CCDC120: variants seen among roughly 807,000 people sequenced by gnomAD.
The protein encoded by CCDC120 is coiled-coil domain containing 120, also known as coiled-coil domain-containing protein 120.
In CCDC120, 16 loss-of-function variants were observed where a neutral mutation model predicts 37.6. That is an observed-to-expected ratio of 0.43 (90% CI 0.29 to 0.65). The LOEUF is 0.65. Ranked by LOEUF, CCDC120 falls within the 30% of genes least tolerant of loss-of-function variation. The pLI is 0.18. For missense variants in CCDC120, 650 were observed against 657.4 expected (o/e 0.99, Z 0.12); for synonymous variants, 309 against 275.4 (o/e 1.12, Z -1.21).
At position 49,067,161 on chromosome X, in the gene CCDC120, C is replaced by T. The variant is rs1185875145; in HGVS notation, c.1062-15C>T. 5.0e-6 allele frequency: 6 copies of T among 1,198,519 alleles called. No homozygotes were observed. The highest frequency in any genetic ancestry group is 1.8e-5 in the South Asian group (1 of 56,262). Reference sequence around the variant, plus strand: ...TTTCTGACCCTATTCCCATGACCCTCGCCTCTCACCCCAGACCTGAAGGCC... The same window carrying T: ...TTTCTGACCCTATTCCCATGACCCTTGCCTCTCACCCCAGACCTGAAGGCC... On this transcript the variant is annotated splice_polypyrimidine_tract_variant and intron_variant, in intron 9 of 10. Coordinates refer to ENST00000603986, the MANE Select transcript of CCDC120 (RefSeq NM_001163321.4).
In CCDC120 at chrX:49,067,328, C is replaced by T. The variant is rs782428766; in HGVS notation, c.1214C>T (p.Ala405Val). ...SSEALLVDRA[A>V]GGGAGSPPAP... ...GAGGCCCTGCTGGTGGACCGGGCCGCTGGTGGGGGAGCTGGCTCCCCGCCT... is the reference window on the plus strand; with the variant it reads ...GAGGCCCTGCTGGTGGACCGGGCCGTTGGTGGGGGAGCTGGCTCCCCGCCT... The change falls in exon 10 of 11, where the codon GCT (alanine) becomes GTT (valine). Residue 405 changes from alanine to valine, a missense_variant. By Grantham distance (64) the Ala-to-Val change is moderately conservative. Coordinates refer to ENST00000603986, the MANE Select transcript of CCDC120 (RefSeq NM_001163321.4). The T allele has an allele frequency of 1.0e-5, 12 of 1,205,931 alleles. No homozygotes were observed. In the South Asian group the frequency reaches 2.1e-4, roughly 21 times the overall value.
chrX:49,062,129 C>T (rs1437669072), intron 2 of CCDC120, 25 bp downstream of exon 2: 4 of 1,161,180 alleles, frequency 3.4e-6, no homozygotes, highest in Non-Finnish European at 4.6e-6. Flanking sequence ...CACGTGGGGC[C>T]CAGGTTACCC....
At chrX:49,066,977 G>A in intron 9 of CCDC120, 199 bp from the exon 10 acceptor site, 1 of 425,091 alleles carries the variant, frequency 2.4e-6, no homozygotes. Flanking sequence ...TTCTACCCCT[G>A]ACCGCCTAGC....
rs1280386899 is a variant in CCDC120 at position 49,065,030 on chromosome X, C to A, written c.725-6C>A. ...AGAGGCCCACTTCTCCCCCTCTCAC[C>A]TGTAGAGGACGTAGTTCTGCACTCA... On this transcript the variant is annotated splice_region_variant and splice_polypyrimidine_tract_variant and intron_variant, in intron 6 of 10. Transcript: ENST00000603986. 8.3e-7 allele frequency: 1 copy of A among 1,210,266 alleles called. No individual in the cohort carries two copies. The highest frequency in any genetic ancestry group is 1.7e-5 in the African/African-American group (1 of 57,704).
chrX:49,057,824 G>C (rs1205494659), upstream of CCDC120, among the ~76,000 whole-genome samples: 1 of 111,646 alleles, frequency 9.0e-6, no homozygotes, highest in East Asian at 2.8e-4. Flanking sequence ...TGTGTGCCGG[G>C]ACTGGCCCAG....
At chrX:49,060,931 C>T (rs1289064341) in intron 1 of CCDC120, among the ~76,000 whole-genome samples, 2 of 111,564 alleles carry the variant, frequency 1.8e-5, no homozygotes, top group Non-Finnish European at 1.9e-5. Context: ...GACAAGCTGC[C>T]GACTTCAAGG....
Position 49,067,942 on chromosome X carries a change from C to T in CCDC120, c.1828C>T (p.Arg610Cys), listed in dbSNP as rs373776682. Reference protein sequence around the residue: ...RNSGLAAGPQRRPVLPSVGPP... With the variant: ...RNSGLAAGPQCRPVLPSVGPP... ...CTCGGGACTGGCTGCGGGGCCCCAG[C>T]GCCGGCCTGTGCTCCCTTCCGTGGG... Residue 610 changes from arginine (R) to cysteine (C), a missense_variant, in exon 10 of 11, where the codon CGC becomes TGC. This residue lies in a region of CCDC120 where 576 missense variants were observed against 565.3 expected (regional missense o/e 1.02). Coordinates refer to ENST00000603986, the MANE Select transcript of CCDC120 (RefSeq NM_001163321.4). 33 of 1,143,246 alleles carry T rather than the reference C, an allele frequency of 2.9e-5. No homozygotes were observed. The highest frequency in any genetic ancestry group is 4.1e-5 in the South Asian group (2 of 49,368). 94.2% of individuals were successfully genotyped at this position (1,143,246 alleles called of 1,213,427 possible).
In CCDC120 at chrX:49,060,427, C is replaced by CAAAAAAAAAAAAAAAAAAAAA. The variant is rs58827125; in HGVS notation, c.-84+1340_-84+1360dup. Among the ~76,000 whole-genome samples the CAAAAAAAAAAAAAAAAAAAAA allele has an allele frequency of 1.7e-4, 7 of 42,128 alleles. 1 individual carries two copies. The highest frequency in any genetic ancestry group is 2.4e-4 in the African/African-American group (2 of 8,324). 36.6% of individuals were successfully genotyped at this position (42,128 alleles called of 115,157 possible). ...AAGTGACAGAGCCAGGCCCTATCTC[C>CAAAAAAAAAAAAAAAAAAAAA]AAAAAAAAAAAAAAAAAAAAAAAAA... On this transcript the variant is annotated intron_variant, in intron 1 of 10. Transcript: ENST00000603986.
chrX:49,068,661 C>G lies in CCDC120; in HGVS notation c.*3C>G. The G allele has an allele frequency of 9.0e-7, 1 of 1,116,273 alleles. No individual in the cohort carries two copies. Among genetic ancestry groups the G allele is most frequent in the Non-Finnish European group, 1.2e-6 (1 of 848,428 alleles). 92.0% of individuals were successfully genotyped at this position (1,116,273 alleles called of 1,213,427 possible). On this transcript the variant is annotated 3_prime_UTR_variant, in exon 11 of 11. Transcript: ENST00000603986. ...AGACCCCGGGGACACTGGTCTGACC[C>G]CTTCTGATATGTCCCTTGTTGGCCT... is the stretch of plus-strand genomic sequence containing the variant.
At position 49,065,754 on chromosome X, in the gene CCDC120, C is replaced by T. The variant is rs782744674; in HGVS notation, c.970C>T (p.Arg324Cys). 14 of 1,173,090 alleles carry T rather than the reference C, an allele frequency of 1.2e-5. No homozygotes were observed. The highest frequency in any genetic ancestry group is 7.5e-5 in the South Asian group (4 of 52,985). Residue 324 changes from arginine (R) to cysteine (C), a missense_variant, in exon 9 of 11, where the codon CGC becomes TGC. Arg to Cys is a radical substitution (Grantham distance 180). Transcript: ENST00000603986. ...NSVASPTSPT[R>C]SLPRSASSFE... is the part of the protein sequence containing the mutation. ...CTGCCTGTCTCTGTCTAGCCCCACA[C>T]GCTCGCTGCCCAGGAGTGCCTCCAG...
intron 7 of CCDC120, 22 bp downstream of exon 7, chrX:49,065,120 A>T (rs782359457): frequency 1.7e-6 from 2 of 1,196,968 alleles, no homozygotes; most frequent in Non-Finnish European, 1.1e-6. Context: ...TATCCCCCAA[A>T]CCTGCCCCCG....
intron 6 of CCDC120, 149 bp from the exon 7 acceptor site, chrX:49,064,887 T>C (rs782330827): frequency 1.4e-6 from 1 of 696,377 alleles, no homozygotes; most frequent in African/African-American, 2.2e-5. Flanking sequence ...GGTCTTGGGC[T>C]CTGGTAAAAG....
chrX:49,062,623 T>C (rs1163248432), intron 4 of CCDC120, 22 bp downstream of exon 4: 2 of 1,196,526 alleles, frequency 1.7e-6, no homozygotes, highest in Non-Finnish European at 2.2e-6. Flanking sequence ...GCCCTAGGGG[T>C]ATCAGGCGGG....
rs1557082334 is a variant in CCDC120 at position 49,068,581 on chromosome X, G to A, written c.2014G>A (p.Ala672Thr). 5 of 1,154,860 alleles carry A rather than the reference G, an allele frequency of 4.3e-6. No individual in the cohort carries two copies. Among genetic ancestry groups the A allele is most frequent in the East Asian group, 3.4e-5 (1 of 29,845 alleles). The change falls in exon 11 of 11, where the codon GCT becomes ACT. Residue 672 changes from alanine to threonine, a missense_variant. Coordinates refer to ENST00000603986, the MANE Select transcript of CCDC120 (RefSeq NM_001163321.4). Reference sequence around the variant, plus strand: ...CTTCCTGTATCCCCCGGAGCTGAGCGCTCGTTTAAGTGACCTGACGCTAGA... The same window carrying A: ...CTTCCTGTATCCCCCGGAGCTGAGCACTCGTTTAAGTGACCTGACGCTAGA... The part of the protein sequence containing the change: ...ADFLYPPELS[A>T]RLSDLTLEGE...
chrX:49,058,035 C>G (rs1298373368), upstream of CCDC120, among the ~76,000 whole-genome samples: 4 of 111,914 alleles, frequency 3.6e-5, no homozygotes, highest in Admixed American at 9.5e-5. Context: ...TTCCCACTTG[C>G]AGGAGTAGCC....
At position 49,067,649 on chromosome X, in the gene CCDC120, G is replaced by A. The variant is rs1244284788; in HGVS notation, c.1535G>A (p.Arg512His). 5 of 1,198,185 alleles carry A rather than the reference G, an allele frequency of 4.2e-6. No individual in the cohort carries two copies. The highest frequency in any genetic ancestry group is 3.5e-5 in the African/African-American group (2 of 57,128). The change falls in exon 10 of 11, where the codon CGC becomes CAC. Residue 512 changes from arginine (R) to histidine (H), a missense_variant. Physicochemically the swap from Arg to His is conservative, Grantham distance 29. Coordinates refer to ENST00000603986, the MANE Select transcript of CCDC120 (RefSeq NM_001163321.4). Reference protein sequence around the residue: ...PAAEVPGPLSRRDGLLTMLPG... With the variant: ...PAAEVPGPLSHRDGLLTMLPG... ...GCTGAGGTCCCAGGACCCCTCTCCC[G>A]CCGGGATGGGCTCCTCACCATGCTC...
At position 49,059,083 on chromosome X, in the gene CCDC120, C is replaced by T. The variant is rs2064852197; in HGVS notation, c.-96C>T. On this transcript the variant is annotated 5_prime_UTR_variant, in exon 1 of 11. Coordinates refer to ENST00000603986, the MANE Select transcript of CCDC120 (RefSeq NM_001163321.4). Reference sequence around the variant, plus strand: ...AGGTATCTGAGGCTACCCCACAGCACTCTCTGGCATTGGTGAGCACCTGGG... The same window carrying T: ...AGGTATCTGAGGCTACCCCACAGCATTCTCTGGCATTGGTGAGCACCTGGG... The T allele has an allele frequency of 8.9e-6, 1 of 112,419 alleles. No individual in the cohort carries two copies. Among genetic ancestry groups the T allele is most frequent in the African/African-American group, 3.2e-5 (1 of 30,924 alleles). 9.3% of individuals were successfully genotyped at this position (112,419 alleles called of 1,213,427 possible).
chrX:49,064,328 C>T (rs782683830), intron 5 of CCDC120, 42 bp from the exon 6 acceptor site: 115 of 1,126,205 alleles, frequency 1.0e-4, no homozygotes, highest in Middle Eastern at 3.4e-4. Context: ...CCCGCCAGGT[C>T]CCTGTTCCTG....
At chrX:49,055,330 C>T (rs1333164025), upstream of CCDC120, among the ~76,000 whole-genome samples, 3 of 111,990 alleles carry the variant, frequency 2.7e-5, no homozygotes, top group Non-Finnish European at 3.8e-5. Flanking sequence ...AGATGGGGGA[C>T]CCAGGGGTAT....
Sources: allele counts gnomAD v4.1 joint callset (sites outside exome capture counted in the v4.1 genomes callset), GRCh38; gene constraint gnomAD v4.1.1; regional missense constraint gnomAD v4.1.1; transcripts MANE v1.5; gene names NCBI Gene and HGNC (gene_info 2026-07-23, HGNC 2026-07-21).